Variants in NABP1 observed in about 807,000 individuals in gnomAD.
NABP1 encodes SOSS complex subunit B2.
A neutral mutation model predicts 25.0 loss-of-function variants in NABP1; 18 were observed. The observed-to-expected ratio is 0.72, with a 90% confidence interval of 0.50 to 1.07. The LOEUF (loss-of-function observed/expected upper bound fraction) is 1.07. NABP1 is among the 50% of genes least tolerant of loss of function. The probability of loss-of-function intolerance (pLI) is 0.00; values close to 1 mark genes in which losing one functional copy is unlikely to be tolerated. For synonymous variants in NABP1, 71 were observed against 85.0 expected, an observed-to-expected ratio of 0.84 and a Z score of 0.91; for missense variants, 270 against 255.6, an observed-to-expected ratio of 1.06 and a Z score of -0.39.
chr2:191,682,314 A>C (rs1687708660), intron 3 of NABP1: 1 of 370,422 alleles, frequency 2.7e-6, no homozygotes. Context: ...TTTAGGTGTC[A>C]CAAGAGCCAT....
At chr2:191,680,401 G>C (rs1687655371) in intron 2 of NABP1, among the ~76,000 whole-genome samples, 1 of 152,162 alleles carries the variant, frequency 6.6e-6, no homozygotes, top group Non-Finnish European at 1.5e-5. Flanking sequence ...CATCAAAGCA[G>C]GAAGTGAGAG....
intron 2 of NABP1, among the ~76,000 whole-genome samples, chr2:191,681,362 A>G (rs1443112678): frequency 3.3e-5 from 5 of 152,168 alleles, no homozygotes; most frequent in African/African-American, 1.2e-4. Context: ...TTCGGAGTAA[A>G]CATTTGCCAG....
chr2:191,683,843 G>A lies in NABP1; in HGVS notation c.378+39G>A. 1 of 1,457,164 alleles carries A rather than the reference G, an allele frequency of 6.9e-7. No individual in the cohort carries two copies. The highest frequency in any genetic ancestry group is 9.5e-7 in the Non-Finnish European group (1 of 1,051,970). The allele number at this position is 1,457,164 out of a possible 1,614,324, so 90.3% of individuals were successfully genotyped here. A position where few individuals can be genotyped will look rare whatever the true frequency, so the allele number is the denominator to read the frequency against. On this transcript the variant is annotated intron_variant, in intron 4 of 5. Coordinates refer to ENST00000425611, the MANE Select transcript of NABP1 (RefSeq NM_001031716.5). This position sits in a 1 kb window ranked among gnomAD's most constrained non-coding sequence, Gnocchi z 4.1. ...ATACTTTTATGATTAGGCTAATTTTGACTGTGTTATAATTCTATGATTAGG... is the reference window on the plus strand; with the variant it reads ...ATACTTTTATGATTAGGCTAATTTTAACTGTGTTATAATTCTATGATTAGG...
At chr2:191,684,476 T>TGA (rs1558987699) in intron 5 of NABP1, among the ~76,000 whole-genome samples, 180 bp downstream of exon 5, 1 of 152,188 alleles carries the variant, frequency 6.6e-6, no homozygotes, top group Non-Finnish European at 1.5e-5. Context: ...GCCAGTTTAT[T>TGA]GAGAATTCTA....
At chr2:191,678,793 C>T in intron 1 of NABP1, 88 bp downstream of exon 1, 1 of 1,232,940 alleles carries the variant, frequency 8.1e-7, no homozygotes, top group East Asian at 2.3e-5. Context: ...CCCGGGGCTC[C>T]CCTCCTCCTC....
In NABP1 at chr2:191,678,681, G is replaced by T. The variant is rs751854733; in HGVS notation, c.67G>T (p.Val23Phe). 1 of 1,613,702 alleles carries T rather than the reference G, an allele frequency of 6.2e-7. No individual in the cohort carries two copies. Among genetic ancestry groups the T allele is most frequent in the Non-Finnish European group, 8.5e-7 (1 of 1,179,846 alleles). ...TAAGCCCGGACTGAAAAACTTAAAT[G>T]TCGTCTTTATTGTCCTGGAGATAGG... Reference protein sequence around the residue: ...DIKPGLKNLNVVFIVLEIGRV... With the variant: ...DIKPGLKNLNFVFIVLEIGRV... Residue 23 changes from valine (V) to phenylalanine (F), a missense_variant, in exon 1 of 6, where the codon GTC (valine) becomes TTC (phenylalanine). Val to Phe is a conservative substitution (Grantham distance 50, BLOSUM62 -1). Transcript: ENST00000425611.
chr2:191,678,657 A>T lies in NABP1; in HGVS notation c.43A>T (p.Lys15Ter), dbSNP rs775417740. Residue 15 changes from lysine to a stop codon, truncating the protein, a stop_gained, in exon 1 of 6, where the codon AAG becomes TAG. Coordinates refer to ENST00000425611, the MANE Select transcript of NABP1 (RefSeq NM_001031716.5). LOFTEE classifies it high-confidence loss of function. ...NDPLIFIRDI[K>*]PGLKNLNVVF... is the part of the protein sequence containing the mutation. ...CCCACTTATTTTTATAAGAGATATT[A>T]AGCCCGGACTGAAAAACTTAAATGT... The T allele has an allele frequency of 3.1e-6, 5 of 1,613,728 alleles. No homozygotes were observed. Among genetic ancestry groups the T allele is most frequent in the African/African-American group, 1.3e-5 (1 of 74,906 alleles).
chr2:191,681,910 A>G (rs766001694), intron 2 of NABP1, 36 bp from the exon 3 acceptor site: 2 of 1,338,360 alleles, frequency 1.5e-6, no homozygotes, highest in Non-Finnish European at 2.0e-6. Context: ...GAAAATAAAT[A>G]TATTTCTAAA....
Position 191,683,841 on chromosome 2 carries a change from T to A in NABP1, c.378+37T>A. 6.8e-7 allele frequency: 1 copy of A among 1,461,464 alleles called. No individual in the cohort carries two copies. The highest frequency in any genetic ancestry group is 9.5e-7 in the Non-Finnish European group (1 of 1,055,320). The allele number at this position is 1,461,464 out of a possible 1,614,324, so 90.5% of individuals were successfully genotyped here. ...GTATACTTTTATGATTAGGCTAATTTTGACTGTGTTATAATTCTATGATTA... is the reference window on the plus strand; with the variant it reads ...GTATACTTTTATGATTAGGCTAATTATGACTGTGTTATAATTCTATGATTA... On this transcript the variant is annotated intron_variant, in intron 4 of 5. Coordinates refer to ENST00000425611, the MANE Select transcript of NABP1 (RefSeq NM_001031716.5). This position sits in a 1 kb window ranked among gnomAD's most constrained non-coding sequence, Gnocchi z 4.1.
chr2:191,678,897 T>G, intron 1 of NABP1, 93 bp from the exon 2 acceptor site: 3 of 1,569,508 alleles, frequency 1.9e-6, no homozygotes, highest in Non-Finnish European at 2.6e-6. Flanking sequence ...CTTCCCACCT[T>G]CCAGATGTAT....
intron 5 of NABP1, 68 bp from the exon 6 acceptor site, chr2:191,685,531 A>C: frequency 7.4e-7 from 1 of 1,357,874 alleles, no homozygotes; most frequent in Non-Finnish European, 1.0e-6. Flanking sequence ...ACATGTTGGC[A>C]CTTAAGATAG....
chr2:191,682,034 AT>A lies in NABP1; in HGVS notation c.302+21del. On this transcript the variant is annotated intron_variant, in intron 3 of 5. Transcript: ENST00000425611. ...AATTGGGGAGTAAGTATTAAAATGCATTTTGTATAATTGCATATATTATAAA... is the reference window on the plus strand; with the variant it reads ...AATTGGGGAGTAAGTATTAAAATGCATTTGTATAATTGCATATATTATAAA... 7.5e-7 allele frequency: 1 copy of A among 1,334,362 alleles called. No homozygotes were observed. The highest frequency in any genetic ancestry group is 1.0e-6 in the Non-Finnish European group (1 of 987,112). 82.7% of individuals were successfully genotyped at this position (1,334,362 alleles called of 1,614,324 possible). A position where few individuals can be genotyped will look rare whatever the true frequency, so the allele number is the denominator to read the frequency against.
rs780310638 is a variant in NABP1, at chr2:191,682,327, G to T, written c.302+310G>T. 2.0e-5 allele frequency: 7 copies of T among 357,156 alleles called. No individual in the cohort carries two copies. In the Admixed American group the frequency reaches 2.0e-4, roughly 10 times the overall value. The allele number at this position is 357,156 out of a possible 1,614,324, so 22.1% of individuals were successfully genotyped here. A position where few individuals can be genotyped will look rare whatever the true frequency, so the allele number is the denominator to read the frequency against. ...TTTTTAGGTGTCACAAGAGCCATTT[G>T]AAGTAGATTCTCTTTTGTAGTGATT... On this transcript the variant is annotated intron_variant, in intron 3 of 5. Transcript: ENST00000425611.
chr2:191,678,885 C>T (rs1307022710), intron 1 of NABP1, 105 bp from the exon 2 acceptor site: 16 of 1,464,994 alleles, frequency 1.1e-5, no homozygotes, highest in African/African-American at 1.4e-5. Context: ...TGGGCTTGGT[C>T]ACTTCCCACC....
intron 5 of NABP1, 53 bp from the exon 6 acceptor site, chr2:191,685,546 A>G (rs1687793028): frequency 1.3e-6 from 2 of 1,489,072 alleles, no homozygotes; most frequent in Non-Finnish European, 1.8e-6. Flanking sequence ...AGATAGTTCT[A>G]CTTCTATAGA....
chr2:191,679,862 A>T (rs1011731596), intron 2 of NABP1, among the ~76,000 whole-genome samples: 4 of 152,240 alleles, frequency 2.6e-5, no homozygotes, highest in African/African-American at 9.6e-5. Context: ...AAATGTGGAC[A>T]TAAATGAAAA....
At position 191,683,788 on chromosome 2, in the gene NABP1, G is replaced by C. The variant is rs1046743782; in HGVS notation, c.362G>C (p.Gly121Ala). 3 of 1,608,874 alleles carry C rather than the reference G, an allele frequency of 1.9e-6. No individual in the cohort carries two copies. In the Admixed American group the frequency reaches 5.1e-5, roughly 27 times the overall value. ...AGTGAACCCAACCCAGATTATCGAGGACAGCAGAACAAAGGGGTAATTGTG... is the reference window on the plus strand; with the variant it reads ...AGTGAACCCAACCCAGATTATCGAGCACAGCAGAACAAAGGGGTAATTGTG... ...NFSEPNPDYR[G>A]QQNKGAQSEQ... The change falls in exon 4 of 6, where the codon GGA (glycine) becomes GCA (alanine). Residue 121 changes from glycine (G) to alanine (A), a missense_variant. Transcript: ENST00000425611. This position sits in a 1 kb window ranked among gnomAD's most constrained non-coding sequence, Gnocchi z 4.1.
chr2:191,682,437 T>C (rs1687711211), intron 3 of NABP1: 1 of 462,750 alleles, frequency 2.2e-6, no homozygotes, highest in Non-Finnish European at 4.5e-6. Context: ...GAATATGTAC[T>C]CATGTTAAAA....
chr2:191,678,887 C>T, intron 1 of NABP1, 103 bp from the exon 2 acceptor site: 2 of 1,546,906 alleles, frequency 1.3e-6, no homozygotes, highest in South Asian at 2.4e-5. Context: ...GGCTTGGTCA[C>T]TTCCCACCTT....
Sources: gnomAD v4.1 joint callset for allele counts (sites outside exome capture counted in the v4.1 genomes callset) on GRCh38, gnomAD v4.1.1 for gene constraint, Gnocchi (gnomAD v3.1) non-coding constraint, MANE v1.5 for transcripts, NCBI Gene and HGNC (gene_info 2026-07-23, HGNC 2026-07-21) for gene names.